GASK1B: variants seen among roughly 807,000 people sequenced by gnomAD.
The protein encoded by GASK1B is Golgi-associated kinase 1B.
A neutral mutation model predicts 42.8 loss-of-function variants in GASK1B; 34 were observed. That is an observed-to-expected ratio of 0.79 (90% CI 0.60 to 1.06). GASK1B has a LOEUF of 1.06. Ranked by LOEUF, GASK1B falls within the 50% of genes least tolerant of loss-of-function variation. The pLI, the probability that GASK1B is intolerant of heterozygous loss-of-function variation, is 0.00. For synonymous variants in GASK1B, 262 were observed against 259.1 expected (o/e 1.01, Z -0.11); for missense variants, 686 against 661.0 (o/e 1.04, Z -0.42).
At chr4:158,157,258 T>C (rs1020517103) in intron 2 of GASK1B, among the ~76,000 whole-genome samples, 1 of 152,078 alleles carries the variant, frequency 6.6e-6, no homozygotes, top group African/African-American at 2.4e-5. Context: ...CAATCATTGA[T>C]ACAAAACTAA....
rs17857283 is a variant in GASK1B, at chr4:158,130,844, C to A, written c.1294G>T (p.Gly432Cys). 1.1e-5 allele frequency: 17 copies of A among 1,613,732 alleles called. No homozygotes were observed. Among genetic ancestry groups the A allele is most frequent in the Admixed American group, 1.7e-5 (1 of 59,988 alleles). ...PRHLVFIDNK[G>C]FFDRSEDNLN... ...TTATCTTCACTCCTGTCAAAGAAAC[C>A]CTTGTTGTCTATAAAAACCAAATGC... is the stretch of plus-strand genomic sequence containing the variant. Residue 432 changes from glycine to cysteine, a missense_variant, in exon 4 of 5, where the codon GGT becomes TGT. Physicochemically the swap from Gly to Cys is radical, Grantham distance 159 (BLOSUM62 -3). Coordinates refer to ENST00000585682, the MANE Select transcript of GASK1B (RefSeq NM_001128424.2).
intron 2 of GASK1B, among the ~76,000 whole-genome samples, chr4:158,156,303 T>C (rs1398073651): frequency 6.6e-6 from 1 of 152,166 alleles, no homozygotes; most frequent in East Asian, 1.9e-4. Flanking sequence ...AAGTCGCAAA[T>C]TTAAAAGTGA....
chr4:158,158,257 A>C (rs1004289544), intron 2 of GASK1B, among the ~76,000 whole-genome samples: 1 of 152,168 alleles, frequency 6.6e-6, no homozygotes, highest in Admixed American at 6.5e-5. Flanking sequence ...TAACATAAAC[A>C]CATGCCCCAG....
At chr4:158,128,991 C>A (rs570520051) in intron 4 of GASK1B, among the ~76,000 whole-genome samples, 2 of 152,256 alleles carry the variant, frequency 1.3e-5, no homozygotes, top group South Asian at 4.1e-4. Flanking sequence ...ACCATTAGAT[C>A]TCTTTAGTGG....
At chr4:158,154,862 A>G (rs1441952605) in intron 3 of GASK1B, among the ~76,000 whole-genome samples, 1 of 152,088 alleles carries the variant, frequency 6.6e-6, no homozygotes, top group African/African-American at 2.4e-5. Flanking sequence ...AGGGGAAAGA[A>G]TGGGAGGAGA....
Position 158,171,110 on chromosome 4 carries a change from G to T in GASK1B, c.266C>A (p.Thr89Asn), listed in dbSNP as rs1205467444. The change falls in exon 2 of 5, where the codon ACC becomes AAC. Residue 89 changes from threonine (T) to asparagine (N), a missense_variant. Transcript: ENST00000585682. ...PSFPEIPLDG[T>N]LAPPESQGNG... ...GCCCTGGGACTCTGGAGGGGCCAGG[G>T]TACCATCCAGGGGTATCTCAGGGAA... The T allele has an allele frequency of 6.2e-7, 1 of 1,609,420 alleles. No individual in the cohort carries two copies. The highest frequency in any genetic ancestry group is 8.5e-7 in the Non-Finnish European group (1 of 1,176,590).
At chr4:158,137,599 A>C (rs996770034) in intron 3 of GASK1B, among the ~76,000 whole-genome samples, 1 of 152,128 alleles carries the variant, frequency 6.6e-6, no homozygotes, top group African/African-American at 2.4e-5. Flanking sequence ...TGAGTGTATA[A>C]AGGGACACTA....
At chr4:158,129,519 T>C (rs1410760508) in intron 4 of GASK1B, among the ~76,000 whole-genome samples, 1 of 152,162 alleles carries the variant, frequency 6.6e-6, no homozygotes, top group South Asian at 2.1e-4. Flanking sequence ...CTCTTAATGC[T>C]AAAGTACATA....
At chr4:158,156,063 G>T (rs557604015) in intron 2 of GASK1B, among the ~76,000 whole-genome samples, 1 of 152,018 alleles carries the variant, frequency 6.6e-6, no homozygotes, top group Admixed American at 6.6e-5. Flanking sequence ...AAATTTAAAC[G>T]AGATATTTTA....
intron 2 of GASK1B, among the ~76,000 whole-genome samples, chr4:158,165,410 CAA>C (rs1732192046): frequency 6.6e-6 from 1 of 152,022 alleles, no homozygotes; most frequent in Non-Finnish European, 1.5e-5. Flanking sequence ...GAGACTCTTG[CAA>C]GGACAATTTG....
intron 3 of GASK1B, among the ~76,000 whole-genome samples, chr4:158,150,909 T>G (rs1731531457): frequency 6.6e-6 from 1 of 152,172 alleles, no homozygotes; most frequent in African/African-American, 2.4e-5. Context: ...CTCTCCTCCA[T>G]CAAAGTTCCT....
chr4:158,160,276 A>G (rs1731922577), intron 2 of GASK1B, among the ~76,000 whole-genome samples: 1 of 152,194 alleles, frequency 6.6e-6, no homozygotes, highest in African/African-American at 2.4e-5. Flanking sequence ...TAAGGTTTTC[A>G]TGATTTTTAA....
At chr4:158,165,622 T>C (rs1732200627) in intron 2 of GASK1B, among the ~76,000 whole-genome samples, 1 of 152,224 alleles carries the variant, frequency 6.6e-6, no homozygotes, top group Non-Finnish European at 1.5e-5. Flanking sequence ...AATAGAAATG[T>C]TGGCATAGTG....
At chr4:158,139,570 A>G (rs1346687430) in intron 3 of GASK1B, among the ~76,000 whole-genome samples, 1 of 152,200 alleles carries the variant, frequency 6.6e-6, no homozygotes, top group Non-Finnish European at 1.5e-5. Context: ...TGATTTTAGA[A>G]TTCTTTGACA....
chr4:158,142,374 T>G (rs1278088550), intron 3 of GASK1B, among the ~76,000 whole-genome samples: 3 of 152,300 alleles, frequency 2.0e-5, no homozygotes, highest in Non-Finnish European at 4.4e-5. Context: ...TGAGGCATAT[T>G]TAATCAACAG....
chr4:158,157,035 C>A (rs1222418862), intron 2 of GASK1B, among the ~76,000 whole-genome samples: 1 of 152,172 alleles, frequency 6.6e-6, no homozygotes, highest in East Asian at 1.9e-4. Flanking sequence ...TTGTAGAATT[C>A]TTATCTCCGG....
At chr4:158,142,243 C>G (rs1053750415) in intron 3 of GASK1B, among the ~76,000 whole-genome samples, 2 of 152,202 alleles carry the variant, frequency 1.3e-5, no homozygotes, top group Non-Finnish European at 2.9e-5. Flanking sequence ...CGCGCCCGGC[C>G]GATGTTGTGG....
chr4:158,127,242 A>C lies in GASK1B; in HGVS notation c.*165T>G, dbSNP rs962234090. On this transcript the variant is annotated 3_prime_UTR_variant, in exon 5 of 5. Coordinates refer to ENST00000585682, the MANE Select transcript of GASK1B (RefSeq NM_001128424.2). ...TTTTTCAAAACCTTTTTAAGTATGC[A>C]TACAGTGCTAAGTCCCATTATAGCT... 7.0e-6 allele frequency: 4 copies of C among 567,618 alleles called. No homozygotes were observed. The highest frequency in any genetic ancestry group is 1.2e-5 in the Non-Finnish European group (4 of 322,626). The allele number at this position is 567,618 out of a possible 1,614,324, so 35.2% of individuals were successfully genotyped here. A position where few individuals can be genotyped will look rare whatever the true frequency, so the allele number is the denominator to read the frequency against.
intron 3 of GASK1B, among the ~76,000 whole-genome samples, chr4:158,138,958 G>A (rs1731012281): frequency 6.6e-6 from 1 of 152,126 alleles, no homozygotes; most frequent in Non-Finnish European, 1.5e-5. Context: ...TTAGAAAACA[G>A]CTACAAAATC....
Sources: allele counts gnomAD v4.1 joint callset (sites outside exome capture counted in the v4.1 genomes callset), GRCh38; gene constraint gnomAD v4.1.1; transcripts MANE v1.5; gene names NCBI Gene and HGNC (gene_info 2026-07-23, HGNC 2026-07-21).